HAS1: variants seen among roughly 807,000 people sequenced by gnomAD.
The protein encoded by HAS1 is hyaluronan synthase 1, also known as HA synthase 1.
In HAS1, 27 loss-of-function variants were observed where a neutral mutation model predicts 35.0. That is an observed-to-expected ratio of 0.77 (90% CI 0.57 to 1.06). HAS1 has a LOEUF of 1.06. Ranked by LOEUF, HAS1 falls within the 50% of genes least tolerant of loss-of-function variation. The pLI is 0.00. For missense variants in HAS1, 940 were observed against 814.8 expected, an observed-to-expected ratio of 1.15 and a Z score of -1.87; for synonymous variants, 409 against 371.2, an observed-to-expected ratio of 1.10 and a Z score of -1.17.
At chr19:51,714,698 G>GAAA (rs55677402) in intron 4 of HAS1, among the ~76,000 whole-genome samples, 1 of 126,350 alleles carries the variant, frequency 7.9e-6, no homozygotes, top group African/African-American at 3.0e-5. Flanking sequence ...CTCTATCTAA[G>GAAA]AAAAAAAAAA....
In HAS1 at chr19:51,719,237, T is replaced by C. The variant is rs11558146; in HGVS notation, c.668A>G (p.Lys223Arg). 139 of 1,589,338 alleles carry C rather than the reference T, an allele frequency of 8.7e-5. No individual in the cohort carries two copies. The highest frequency in any genetic ancestry group is 1.1e-4 in the Non-Finnish European group (133 of 1,167,566). Residue 223 changes from lysine to arginine, a missense_variant, in exon 2 of 5, where the codon AAG (lysine) becomes AGG (arginine). Physicochemically the swap from Lys to Arg is conservative, Grantham distance 26. Coordinates refer to ENST00000540069, the MANE Select transcript of HAS1 (RefSeq NM_001297436.2). ...GTAGTCCACCGAATCTCCGAGCGCC[T>C]TGAAGGCTGTGTACATGACCTCGCG... The part of the protein sequence containing the change: ...GKREVMYTAF[K>R]ALGDSVDYVQ...
chr19:51,713,921 C>A lies in HAS1; in HGVS notation c.1240G>T (p.Val414Leu). 6.2e-7 allele frequency: 1 copy of A among 1,608,408 alleles called. No homozygotes were observed. Among genetic ancestry groups the A allele is most frequent in the Non-Finnish European group, 8.5e-7 (1 of 1,179,990 alleles). Reference sequence around the variant, plus strand: ...AACAGACGCAGCACAGTGGCCGCCACGAAGAAGGGGAACAGGCCGGAGACC... The same window carrying A: ...AACAGACGCAGCACAGTGGCCGCCAAGAAGAAGGGGAACAGGCCGGAGACC... ...AVVSGLFPFFVAATVLRLFYA... is the reference protein window; with the variant it reads ...AVVSGLFPFFLAATVLRLFYA... Residue 414 changes from valine to leucine, a missense_variant, in exon 5 of 5, where the codon GTG becomes TTG. Coordinates refer to ENST00000540069, the MANE Select transcript of HAS1 (RefSeq NM_001297436.2). The surrounding 1 kb of genome is among the most constrained non-coding windows in gnomAD (Gnocchi z 4.5).
rs1205663231 is a variant in HAS1, at chr19:51,713,353, T to C, written c.*74A>G. 1 of 1,368,570 alleles carries C rather than the reference T, an allele frequency of 7.3e-7. No individual in the cohort carries two copies. The highest frequency in any genetic ancestry group is 9.6e-7 in the Non-Finnish European group (1 of 1,044,912). The allele number at this position is 1,368,570 out of a possible 1,614,324, so 84.8% of individuals were successfully genotyped here. ...AGGCCCAGAGAACCACCCAGCAAGT[T>C]CGTGGCTCGGGGCCCAGCAGCTCTC... On this transcript the variant is annotated 3_prime_UTR_variant, in exon 5 of 5. Transcript: ENST00000540069. The surrounding 1 kb of genome is among the most constrained non-coding windows in gnomAD (Gnocchi z 4.5).
chr19:51,715,344 C>T (rs2083579572), intron 4 of HAS1, among the ~76,000 whole-genome samples: 1 of 152,092 alleles, frequency 6.6e-6, no homozygotes, highest in South Asian at 2.1e-4. Context: ...TCTCCTAATA[C>T]TCCCCCAGTT....
rs568930180 is a variant in HAS1, at chr19:51,719,263, C to G, written c.642G>C (p.Lys214Asn). The stretch of plus-strand genomic sequence containing the variant: ...TGAAGGCTGTGTACATGACCTCGCG[C>G]TTGCCGCCCCAGCGCTGCGCCACGC... The part of the protein sequence containing the change: ...CVCVAQRWGG[K>N]REVMYTAFKA... The change falls in exon 2 of 5, where the codon AAG (lysine) becomes AAC (asparagine). Residue 214 changes from lysine (K) to asparagine (N), a missense_variant. Lys to Asn is a moderately conservative substitution (Grantham distance 94). Coordinates refer to ENST00000540069, the MANE Select transcript of HAS1 (RefSeq NM_001297436.2). 1 of 1,609,326 alleles carries G rather than the reference C, an allele frequency of 6.2e-7. No homozygotes were observed. Among genetic ancestry groups the G allele is most frequent in the Non-Finnish European group, 8.5e-7 (1 of 1,178,220 alleles).
chr19:51,722,146 T>C (rs1217098146), intron 1 of HAS1, among the ~76,000 whole-genome samples: 1 of 152,102 alleles, frequency 6.6e-6, no homozygotes, highest in African/African-American at 2.4e-5. Flanking sequence ...GATCTTTGTG[T>C]CCAACACAGG....
chr19:51,715,981 G>A (rs2083583425), intron 4 of HAS1, among the ~76,000 whole-genome samples: 1 of 152,144 alleles, frequency 6.6e-6, no homozygotes, highest in Non-Finnish European at 1.5e-5. Context: ...TCTCTTGGTA[G>A]AGTTCACCGC....
chr19:51,713,494 G>C lies in HAS1; in HGVS notation c.1667C>G (p.Thr556Arg). Residue 556 changes from threonine to arginine, a missense_variant, in exon 5 of 5, where the codon ACG (threonine) becomes AGG (arginine). Thr to Arg is a moderately conservative substitution (Grantham distance 71). Coordinates refer to ENST00000540069, the MANE Select transcript of HAS1 (RefSeq NM_001297436.2). The surrounding 1 kb of genome is among the most constrained non-coding windows in gnomAD (Gnocchi z 4.5). Reference sequence around the variant, plus strand: ...CCTCCGCACGCCCACCCAGTACAGCGTCAACATGGCCACCCAGTAGCCCAC... The same window carrying C: ...CCTCCGCACGCCCACCCAGTACAGCCTCAACATGGCCACCCAGTAGCCCAC... ...AYVGYWVAML[T>R]LYWVGVRRLC... The C allele has an allele frequency of 6.2e-7, 1 of 1,605,754 alleles. No homozygotes were observed. The highest frequency in any genetic ancestry group is 8.5e-7 in the Non-Finnish European group (1 of 1,176,640).
chr19:51,715,039 A>C (rs2083577723), intron 4 of HAS1, among the ~76,000 whole-genome samples: 1 of 152,118 alleles, frequency 6.6e-6, no homozygotes, highest in African/African-American at 2.4e-5. Context: ...GTTTTGTGGC[A>C]GACATCATTA....
chr19:51,723,935 G>T lies in HAS1; in HGVS notation c.-2C>A. The T allele has an allele frequency of 6.8e-7, 1 of 1,460,896 alleles. No individual in the cohort carries two copies. The highest frequency in any genetic ancestry group is 9.1e-7 in the Non-Finnish European group (1 of 1,099,418). The allele number at this position is 1,460,896 out of a possible 1,614,324, so 90.5% of individuals were successfully genotyped here. Reference sequence around the variant, plus strand: ...CACACACACACACACCTGTCTCATCGCAGTGGGTCTGGCCGGGCTCTCTCT... The same window carrying T: ...CACACACACACACACCTGTCTCATCTCAGTGGGTCTGGCCGGGCTCTCTCT... On this transcript the variant is annotated 5_prime_UTR_variant, in exon 1 of 5. Transcript: ENST00000540069.
In HAS1 at chr19:51,713,769, C is replaced by A; in HGVS notation, c.1392G>T (p.Ala464=). The change falls in exon 5 of 5, where the codon GCG becomes GCT. Residue 464 remains alanine (A), a synonymous_variant. Coordinates refer to ENST00000540069, the MANE Select transcript of HAS1 (RefSeq NM_001297436.2). The surrounding 1 kb of genome is among the most constrained non-coding windows in gnomAD (Gnocchi z 4.5). ...GCAGGAGGCCACACATGTAGAGGGG[C>A]GCGTAGAGCGACAGAAGCACCATGC... is the stretch of plus-strand genomic sequence containing the variant. ...CLRMVLLSLY[A]PLYMCGLLPA... 1 of 1,603,770 alleles carries A rather than the reference C, an allele frequency of 6.2e-7. No individual in the cohort carries two copies. The highest frequency in any genetic ancestry group is 2.3e-5 in the East Asian group (1 of 44,304).
intron 4 of HAS1, among the ~76,000 whole-genome samples, chr19:51,714,773 A>T (rs141364127): frequency 0.022 from 3,265 of 151,786 alleles, 63 homozygotes; most frequent in Non-Finnish European, 0.033. Context: ...GCTTAGGACC[A>T]GTAGATAGTA....
intron 1 of HAS1, 125 bp from the exon 2 acceptor site, chr19:51,720,020 C>T: frequency 1.7e-6 from 1 of 595,842 alleles, no homozygotes; most frequent in Non-Finnish European, 2.9e-6. Context: ...CTCTCTCTCT[C>T]CCTCCCTCCG....
Position 51,713,577 on chromosome 19 carries a change from C to T in HAS1, c.1584G>A (p.Trp528Ter), listed in dbSNP as rs1036821686. Residue 528 changes from tryptophan to a stop codon, truncating the protein, a stop_gained, in exon 5 of 5, where the codon TGG becomes TGA. Transcript: ENST00000540069. LOFTEE classifies it low-confidence loss of function (END_TRUNC). The surrounding 1 kb of genome is among the most constrained non-coding windows in gnomAD (Gnocchi z 4.5). ...CCTCGGCTGCGCGGGAAGGGCCGCT[C>T]CAGTCGGCCCTGGCCTCGTGTGCTA... ...RSVAHEARAD[W>*]SGPSRAAEAY... 5 of 1,565,512 alleles carry T rather than the reference C, an allele frequency of 3.2e-6. No individual in the cohort carries two copies. In the African/African-American group the frequency reaches 4.1e-5, roughly 13 times the overall value.
chr19:51,714,426 T>C (rs796476926), intron 4 of HAS1, among the ~76,000 whole-genome samples: 5 of 143,860 alleles, frequency 3.5e-5, no homozygotes, highest in African/African-American at 1.3e-4. Flanking sequence ...CAATGGCTCA[T>C]GCCTGTAATC....
chr19:51,719,041 A>C (rs2083604723), intron 2 of HAS1, among the ~76,000 whole-genome samples, 165 bp downstream of exon 2: 1 of 152,240 alleles, frequency 6.6e-6, no homozygotes, highest in Admixed American at 6.5e-5. Flanking sequence ...AAAGGGATAG[A>C]TGGATGGATG....
chr19:51,716,588 T>A (rs1353026824), intron 3 of HAS1, among the ~76,000 whole-genome samples, 200 bp from the exon 4 acceptor site: 1 of 152,046 alleles, frequency 6.6e-6, no homozygotes, highest in Non-Finnish European at 1.5e-5. Flanking sequence ...TTGCCTGTCA[T>A]TGAACTATAC....
chr19:51,723,821 C>CACATGGAT (rs1176392860), intron 1 of HAS1, 104 bp downstream of exon 1: 1 of 1,097,612 alleles, frequency 9.1e-7, no homozygotes, highest in African/African-American at 1.5e-5. Flanking sequence ...TGAAATCATG[C>CACATGGAT]ACACACAGTT....
chr19:51,723,964 C>T lies in HAS1; in HGVS notation c.-31G>A. ...TGGGTCTGGCCGGGCTCTCTCTTCT[C>T]TCCGGCTTGCTCTCCCAGCCTCTCT... is the stretch of plus-strand genomic sequence containing the variant. On this transcript the variant is annotated 5_prime_UTR_variant, in exon 1 of 5. Transcript: ENST00000540069. 1 of 1,538,468 alleles carries T rather than the reference C, an allele frequency of 6.5e-7. No individual in the cohort carries two copies. Among genetic ancestry groups the T allele is most frequent in the Non-Finnish European group, 8.7e-7 (1 of 1,146,056 alleles).
Sources: allele counts gnomAD v4.1 joint callset (sites outside exome capture counted in the v4.1 genomes callset), GRCh38; gene constraint gnomAD v4.1.1; non-coding constraint Gnocchi (gnomAD v3.1); transcripts MANE v1.5; gene names NCBI Gene and HGNC (gene_info 2026-07-23, HGNC 2026-07-21).